Variants in PRELID2 observed in about 807,000 individuals in gnomAD.
PRELID2 encodes the protein PRELI domain containing 2.
A neutral mutation model predicts 28.4 loss-of-function variants in PRELID2; 25 were observed. The observed-to-expected ratio is 0.88, with a 90% confidence interval of 0.64 to 1.23. The LOEUF is 1.23. Among genes scored for constraint, PRELID2 ranks in the 50% most tolerant of loss-of-function variants. PRELID2 has a pLI of 0.00. For synonymous variants in PRELID2, 76 were observed against 71.6 expected (o/e 1.06, Z -0.31); for missense variants, 201 against 214.4 (o/e 0.94, Z 0.39).
chr5:145,469,269 A>G (rs1055732353), downstream of PRELID2, among the ~76,000 whole-genome samples: 3 of 152,136 alleles, frequency 2.0e-5, no homozygotes, highest in African/African-American at 7.2e-5. Context: ...TAATCTCCAC[A>G]ATCTACTAAC....
intron 1 of PRELID2, among the ~76,000 whole-genome samples, chr5:145,634,433 A>G (rs895478282): frequency 1.3e-5 from 2 of 152,190 alleles, no homozygotes; most frequent in Non-Finnish European, 2.9e-5. Context: ...GTATTGAACT[A>G]ACTTGCAATT....
the PRELID2 span, among the ~76,000 whole-genome samples, chr5:145,306,617 G>A: frequency 6.6e-6 from 1 of 151,944 alleles, no homozygotes; most frequent in Non-Finnish European, 1.5e-5. Context: ...TTGTACAGTT[G>A]AGTAAATCAT....
At chr5:145,653,741 T>A (rs1209728779) in intron 1 of PRELID2, among the ~76,000 whole-genome samples, 11 of 152,054 alleles carry the variant, frequency 7.2e-5, no homozygotes, top group Admixed American at 7.2e-4. Context: ...CTGGGACACA[T>A]CAAAGCAGTG....
chr5:145,559,845 A>G (rs1421143336), intron 1 of PRELID2, among the ~76,000 whole-genome samples: 4 of 152,038 alleles, frequency 2.6e-5, no homozygotes, highest in Non-Finnish European at 4.4e-5. Context: ...GTAAAAAAAA[A>G]AAAAAAGAAG....
At chr5:145,774,658 C>G (rs903424357) in intron 5 of PRELID2, among the ~76,000 whole-genome samples, 2 of 152,186 alleles carry the variant, frequency 1.3e-5, no homozygotes, top group African/African-American at 4.8e-5. Flanking sequence ...TCACATTTTC[C>G]TCACCCTTCA....
chr5:145,354,162 C>A, the PRELID2 span, among the ~76,000 whole-genome samples: 1 of 151,622 alleles, frequency 6.6e-6, no homozygotes, highest in African/African-American at 2.4e-5. Flanking sequence ...TAATTACCAT[C>A]CTACCTCTAG....
intron 5 of PRELID2, among the ~76,000 whole-genome samples, chr5:145,770,721 C>T (rs1223873878): frequency 6.6e-6 from 1 of 151,614 alleles, no homozygotes. Context: ...TTGCTTTTAA[C>T]AAAAAAGTTC....
chr5:145,648,434 C>T (rs973394025), intron 1 of PRELID2, among the ~76,000 whole-genome samples: 1 of 151,606 alleles, frequency 6.6e-6, no homozygotes, highest in East Asian at 1.9e-4. Flanking sequence ...AATAAAATAA[C>T]AAAACTTTAT....
intron 1 of PRELID2, among the ~76,000 whole-genome samples, chr5:145,660,981 C>A (rs924671716): frequency 5.9e-5 from 9 of 152,114 alleles, no homozygotes; most frequent in African/African-American, 2.2e-4. Context: ...TTCAATTGAA[C>A]CAAAACTTTG....
chr5:145,557,121 C>T (rs1309380752), intron 1 of PRELID2, among the ~76,000 whole-genome samples: 1 of 152,192 alleles, frequency 6.6e-6, no homozygotes, highest in African/African-American at 2.4e-5. Flanking sequence ...CAGCACACTA[C>T]CTGATACATA....
the PRELID2 span, among the ~76,000 whole-genome samples, chr5:145,366,541 T>C: frequency 2.1e-4 from 32 of 151,934 alleles, no homozygotes; most frequent in African/African-American, 7.7e-4. Context: ...CAGCTCCTGG[T>C]AGTAAGATTG....
chr5:145,396,617 C>A, the PRELID2 span, among the ~76,000 whole-genome samples: 1 of 152,048 alleles, frequency 6.6e-6, no homozygotes, highest in African/African-American at 2.4e-5. Flanking sequence ...AAATATGAGA[C>A]TTCCATTACT....
chr5:145,343,754 C>T, the PRELID2 span, among the ~76,000 whole-genome samples: 4 of 151,218 alleles, frequency 2.6e-5, no homozygotes, highest in Admixed American at 6.6e-5. Context: ...TAAACAAAAT[C>T]GATAAACCAC....
At chr5:145,328,498 C>T in the PRELID2 span, among the ~76,000 whole-genome samples, 2 of 152,166 alleles carry the variant, frequency 1.3e-5, no homozygotes, top group Non-Finnish European at 2.9e-5. Context: ...GAGATGGTAT[C>T]TAATTGTGGT....
chr5:145,419,588 T>C, the PRELID2 span, among the ~76,000 whole-genome samples: 8 of 147,074 alleles, frequency 5.4e-5, no homozygotes, highest in South Asian at 1.3e-3. Context: ...TTTGTTTTTT[T>C]CTTGTAAATT....
intron 4 of PRELID2, among the ~76,000 whole-genome samples, chr5:145,801,053 C>T (rs1451958712): frequency 6.6e-6 from 1 of 152,106 alleles, no homozygotes. Flanking sequence ...AAAATGTTAA[C>T]ATTAGGGCAT....
intron 5 of PRELID2, among the ~76,000 whole-genome samples, chr5:145,788,194 C>T (rs1752128282): frequency 6.6e-6 from 1 of 152,140 alleles, no homozygotes; most frequent in East Asian, 1.9e-4. Context: ...TTTCATGTGT[C>T]CCAGATTTCC....
the PRELID2 span, among the ~76,000 whole-genome samples, chr5:145,297,897 G>C: frequency 3.9e-5 from 6 of 151,996 alleles, no homozygotes; most frequent in Admixed American, 3.9e-4. Context: ...AAATACCTAG[G>C]AATCCAACTT....
intron 1 of PRELID2, among the ~76,000 whole-genome samples, chr5:145,610,646 A>G (rs1334405978): frequency 6.6e-6 from 1 of 152,090 alleles, no homozygotes; most frequent in Non-Finnish European, 1.5e-5. Context: ...ATTAGTACCT[A>G]GATGTAAAGT....
Sources: gnomAD v4.1 joint callset for allele counts (sites outside exome capture counted in the v4.1 genomes callset) on GRCh38, gnomAD v4.1.1 for gene constraint, MANE v1.5 for transcripts, NCBI Gene and HGNC (gene_info 2026-07-23, HGNC 2026-07-21) for gene names.